The following LSM2 variants were observed in gnomAD, a reference collection of about 807,000 sequenced individuals.
LSM2 encodes LSM2 homolog, U6 small nuclear RNA and mRNA degradation associated.
Under a neutral mutation model 17.0 loss-of-function variants are expected in LSM2, and 12 were observed. The observed-to-expected ratio is 0.70, with a 90% CI of 0.45 to 1.14. LSM2 has a LOEUF of 1.14. Ranked by LOEUF, LSM2 falls within the 50% of genes most tolerant of loss-of-function variation. The pLI, the probability that LSM2 is intolerant of heterozygous loss-of-function variation, is 0.00. For synonymous variants in LSM2, 42 were observed against 44.5 expected, an observed-to-expected ratio of 0.94 and a Z score of 0.22; for missense variants, 62 against 111.8, an observed-to-expected ratio of 0.55 and a Z score of 2.01.
intron 4 of LSM2, 41 bp downstream of exon 4, chr6:31,797,949 G>A: frequency 6.2e-7 from 1 of 1,610,966 alleles, no homozygotes; most frequent in South Asian, 1.1e-5. Context: ...GGGGCCTCCT[G>A]CTTTAGAGGT....
chr6:31,806,223 C>T, intron 1 of LSM2, 81 bp from the exon 2 acceptor site: 1 of 1,318,532 alleles, frequency 7.6e-7, no homozygotes, highest in Admixed American at 1.8e-5. Context: ...TTACCAAATA[C>T]TGGTATTGTG....
At chr6:31,802,461 G>A (rs1430679420) in intron 2 of LSM2, among the ~76,000 whole-genome samples, 1 of 151,530 alleles carries the variant, frequency 6.6e-6, no homozygotes, top group African/African-American at 2.4e-5. Flanking sequence ...TGGGCGTGGT[G>A]GTGCATGCAT....
intron 1 of LSM2, 69 bp from the exon 2 acceptor site, chr6:31,806,211 T>C (rs1264884652): frequency 7.1e-7 from 1 of 1,410,352 alleles, no homozygotes; most frequent in South Asian, 1.2e-5. Context: ...CCTTTGACAG[T>C]ATTACCAAAT....
intron 2 of LSM2, among the ~76,000 whole-genome samples, chr6:31,800,075 G>A (rs1242876139): frequency 2.6e-5 from 4 of 152,156 alleles, no homozygotes; most frequent in African/African-American, 4.8e-5. Flanking sequence ...GGTGGCTCAC[G>A]CCTATAATTC....
intron 2 of LSM2, among the ~76,000 whole-genome samples, chr6:31,804,766 T>TTTC (rs1814911051): frequency 8.2e-6 from 1 of 122,426 alleles, no homozygotes; most frequent in Non-Finnish European, 1.7e-5. Context: ...TTTTTTTCTT[T>TTTC]TTTTTTTTTT....
rs1211975780 is a variant in LSM2 at position 31,806,936 on chromosome 6, G to C, written c.-179C>G. ...GCAAAGCGCGGCCGACTTGCGGCTG[G>C]GGAGCGCAAGCTGGGTAGAGTAGAG... is the stretch of plus-strand genomic sequence containing the variant. On this transcript the variant is annotated 5_prime_UTR_variant, in exon 1 of 5. Transcript: ENST00000375661. 1 of 768,198 alleles carries C rather than the reference G, an allele frequency of 1.3e-6. No homozygotes were observed. The highest frequency in any genetic ancestry group is 2.0e-6 in the Non-Finnish European group (1 of 491,908). 47.6% of individuals were successfully genotyped at this position (768,198 alleles called of 1,614,324 possible).
chr6:31,802,594 A>C (rs1292746836), intron 2 of LSM2, among the ~76,000 whole-genome samples: 1 of 151,340 alleles, frequency 6.6e-6, no homozygotes, highest in Non-Finnish European at 1.5e-5. Flanking sequence ...GTCTCAATAA[A>C]AAAAAGAAAA....
intron 2 of LSM2, among the ~76,000 whole-genome samples, chr6:31,804,939 TG>T: frequency 6.6e-6 from 1 of 151,614 alleles, no homozygotes; most frequent in South Asian, 2.1e-4. Context: ...GCTAATTTTT[TG>T]TATTTTTAGC....
Position 31,797,723 on chromosome 6 carries a change from A to C in LSM2, c.*34T>G, listed in dbSNP as rs755727660. 4.3e-6 allele frequency: 7 copies of C among 1,611,642 alleles called. No individual in the cohort carries two copies. Among genetic ancestry groups the C allele is most frequent in the Non-Finnish European group, 5.9e-6 (7 of 1,179,932 alleles). ...CTGGGACTTGGGGTTATGGGTCACC[A>C]ATGAAAGAGGGAGGGGAAGAGGAGG... is the stretch of plus-strand genomic sequence containing the variant. On this transcript the variant is annotated 3_prime_UTR_variant, in exon 5 of 5. Coordinates refer to ENST00000375661, the MANE Select transcript of LSM2 (RefSeq NM_021177.5).
chr6:31,800,582 A>G (rs1044580616), intron 2 of LSM2, among the ~76,000 whole-genome samples: 10 of 151,920 alleles, frequency 6.6e-5, no homozygotes, highest in African/African-American at 1.9e-4. Context: ...GCGAATCCCC[A>G]TCTCTACTAA....
intron 2 of LSM2, among the ~76,000 whole-genome samples, chr6:31,801,166 G>A: frequency 9.9e-6 from 1 of 100,924 alleles, no homozygotes; most frequent in Non-Finnish European, 1.8e-5. Flanking sequence ...GTAAGGATCT[G>A]TCTCAAAAAA....
intron 2 of LSM2, 53 bp from the exon 3 acceptor site, chr6:31,798,560 A>G: frequency 6.3e-7 from 1 of 1,593,870 alleles, no homozygotes; most frequent in African/African-American, 1.3e-5. Flanking sequence ...CAAAGTCAAC[A>G]TAGAGGTGAC....
intron 2 of LSM2, among the ~76,000 whole-genome samples, chr6:31,805,029 G>A (rs1282117728): frequency 6.6e-6 from 1 of 151,832 alleles, no homozygotes; most frequent in Non-Finnish European, 1.5e-5. Flanking sequence ...GCCTCCCAAA[G>A]TGCTGGGATT....
At chr6:31,806,568 C>T in intron 1 of LSM2, 187 bp downstream of exon 1, 1 of 836,546 alleles carries the variant, frequency 1.2e-6, no homozygotes, top group South Asian at 1.5e-5. Context: ...GGTTTTTTCC[C>T]TCATCATGGA....
At chr6:31,801,837 G>A (rs112046281) in intron 2 of LSM2, among the ~76,000 whole-genome samples, 4,983 of 151,450 alleles carry the variant, frequency 0.033, 139 homozygotes, top group African/African-American at 0.079. Flanking sequence ...CATCCCAACA[G>A]AAAAGTCACT....
rs572793157 is a variant in LSM2, at chr6:31,801,031, G to A, written c.72-2524C>T. Reference sequence around the variant, plus strand: ...AAATATAAAAATACAAAAATTAGCTGTGTGTGGTGCATGCCTGTAGTCCCA... The same window carrying A: ...AAATATAAAAATACAAAAATTAGCTATGTGTGGTGCATGCCTGTAGTCCCA... On this transcript the variant is annotated intron_variant, in intron 2 of 4. Transcript: ENST00000375661. Among the ~76,000 whole-genome samples the A allele has an allele frequency of 2.0e-5, 3 of 151,852 alleles. No individual in the cohort carries two copies. In the East Asian group the frequency reaches 5.8e-4, roughly 29 times the overall value.
chr6:31,805,971 T>C (rs1581685389), intron 2 of LSM2, 104 bp downstream of exon 2: 1 of 995,496 alleles, frequency 1.0e-6, no homozygotes, highest in African/African-American at 1.6e-5. Context: ...ATTTCTTCTG[T>C]ACATCTTCCA....
intron 2 of LSM2, chr6:31,803,041 A>G (rs1056381218): frequency 6.6e-6 from 1 of 152,210 alleles, no homozygotes; most frequent in African/African-American, 2.4e-5. Context: ...CATCACACCA[A>G]ATTGCCTAAG....
Position 31,806,059 on chromosome 6 carries a change from T to A in LSM2, c.71+16A>T, listed in dbSNP as rs372626218. ...GCACACCCACCCCCAACAGACTTGTTGGAACAGGTACCTACCTCAGGTCAT... is the reference window on the plus strand; with the variant it reads ...GCACACCCACCCCCAACAGACTTGTAGGAACAGGTACCTACCTCAGGTCAT... On this transcript the variant is annotated intron_variant, in intron 2 of 4. Transcript: ENST00000375661. 2.9e-5 allele frequency: 46 copies of A among 1,612,244 alleles called. No homozygotes were observed. Among genetic ancestry groups the A allele is most frequent in the Non-Finnish European group, 3.6e-5 (43 of 1,179,430 alleles).
Sources: gnomAD v4.1 joint callset for allele counts (sites outside exome capture counted in the v4.1 genomes callset) on GRCh38, gnomAD v4.1.1 for gene constraint, MANE v1.5 for transcripts, NCBI Gene and HGNC (gene_info 2026-07-23, HGNC 2026-07-21) for gene names.